ERC2: variants seen among roughly 807,000 people sequenced by gnomAD.
The protein encoded by ERC2 is ELKS/RAB6-interacting/CAST family member 2.
In ERC2, 42 loss-of-function variants were observed where a neutral mutation model predicts 114.8. The ratio of observed to expected loss-of-function variants is 0.37; its 90% CI spans 0.29 to 0.47. ERC2 has a LOEUF of 0.47. Among genes scored for constraint, ERC2 ranks in the 20% least tolerant of loss-of-function variants. ERC2 has a pLI of 0.99. For synonymous variants in ERC2, 454 were observed against 425.5 expected, an observed-to-expected ratio of 1.07 and a Z score of -0.82; for missense variants, 939 against 1,150.7, an observed-to-expected ratio of 0.82 and a Z score of 2.66.
chr3:56,086,676 G>T (rs1180499659), intron 6 of ERC2, among the ~76,000 whole-genome samples: 1 of 151,976 alleles, frequency 6.6e-6, no homozygotes, highest in Non-Finnish European at 1.5e-5. Flanking sequence ...ATACAGGGAA[G>T]ATAAGGCAAG....
rs1215954581 is a variant in ERC2 at position 56,117,672 on chromosome 3, T to C, written c.1473+21837A>G. Among the ~76,000 whole-genome samples the C allele has an allele frequency of 2.6e-5, 4 of 152,120 alleles. No individual in the cohort carries two copies. The East Asian group carries it at 7.7e-4, about 29-fold the overall frequency. ...GGCATGAAGTTTGACACATATAGAG[T>C]GCTCAGTAAGCTGTTCAAAAGGAAG... On this transcript the variant is annotated intron_variant, in intron 6 of 17. Coordinates refer to ENST00000288221, the MANE Select transcript of ERC2 (RefSeq NM_015576.3).
chr3:56,051,959 A>G (rs1437243305), intron 7 of ERC2, among the ~76,000 whole-genome samples: 1 of 152,196 alleles, frequency 6.6e-6, no homozygotes, highest in Non-Finnish European at 1.5e-5. Flanking sequence ...TTGTTTAGAC[A>G]CAATAAATTG....
At chr3:56,074,188 A>G (rs2149738849) in intron 7 of ERC2, among the ~76,000 whole-genome samples, 1 of 152,266 alleles carries the variant, frequency 6.6e-6, no homozygotes, top group African/African-American at 2.4e-5. Context: ...ACACCAGAAT[A>G]GTGTGGTGGT....
chr3:56,360,473 T>C (rs2058914272), intron 2 of ERC2, among the ~76,000 whole-genome samples: 1 of 152,142 alleles, frequency 6.6e-6, no homozygotes, highest in South Asian at 2.1e-4. Flanking sequence ...CAAGTAATGA[T>C]GATACAATGT....
chr3:55,843,706 A>G (rs1175277199), intron 14 of ERC2, among the ~76,000 whole-genome samples: 5 of 152,226 alleles, frequency 3.3e-5, no homozygotes, highest in African/African-American at 4.8e-5. Context: ...AAGTTCTCCC[A>G]TTCCTTAATC....
chr3:55,775,569 TAAATAAATAAATAAAA>T (rs1395638797), intron 14 of ERC2, among the ~76,000 whole-genome samples: 1 of 142,568 alleles, frequency 7.0e-6, no homozygotes, highest in South Asian at 2.3e-4. Flanking sequence ...AATAAATAAA[TAAATAAATAAATAAAA>T]AAGGAAAAAG....
intron 2 of ERC2, among the ~76,000 whole-genome samples, chr3:56,357,385 G>A (rs749813256): frequency 6.6e-6 from 1 of 152,212 alleles, no homozygotes; most frequent in African/African-American, 2.4e-5. Context: ...AACTTCACAA[G>A]CTTGCCCCAG....
chr3:55,593,777 C>G (rs1559711281), intron 17 of ERC2, among the ~76,000 whole-genome samples: 1 of 152,200 alleles, frequency 6.6e-6, no homozygotes, highest in Non-Finnish European at 1.5e-5. Flanking sequence ...TCAACCTCTT[C>G]TGGCTCCCTC....
At chr3:55,923,172 T>C (rs545822686) in intron 13 of ERC2, among the ~76,000 whole-genome samples, 1 of 152,228 alleles carries the variant, frequency 6.6e-6, no homozygotes, top group South Asian at 2.1e-4. Context: ...ATGTGATATA[T>C]ACATGCAATG....
chr3:55,538,942 A>G (rs2054183596), intron 17 of ERC2, among the ~76,000 whole-genome samples: 1 of 152,106 alleles, frequency 6.6e-6, no homozygotes, highest in Non-Finnish European at 1.5e-5. Flanking sequence ...GAGAGTTTTG[A>G]AAGATCCACA....
At chr3:55,698,169 T>G (rs1223882584) in intron 16 of ERC2, among the ~76,000 whole-genome samples, 1 of 151,756 alleles carries the variant, frequency 6.6e-6, no homozygotes, top group East Asian at 1.9e-4. Flanking sequence ...ATCTAGATTT[T>G]TTTCTGTGTG....
At chr3:56,161,632 C>A (rs2082054463) in intron 4 of ERC2, among the ~76,000 whole-genome samples, 1 of 151,946 alleles carries the variant, frequency 6.6e-6, no homozygotes, top group African/African-American at 2.4e-5. Flanking sequence ...TAGATGTATT[C>A]CTAGGTATTT....
intron 3 of ERC2, among the ~76,000 whole-genome samples, chr3:56,185,967 G>T (rs1300996140): frequency 6.6e-6 from 1 of 152,024 alleles, no homozygotes; most frequent in Non-Finnish European, 1.5e-5. Context: ...CACATCATGT[G>T]CAAGGACCAC....
chr3:56,413,116 T>C (rs928138065), intron 2 of ERC2, among the ~76,000 whole-genome samples: 9 of 152,132 alleles, frequency 5.9e-5, no homozygotes, highest in African/African-American at 2.2e-4. Flanking sequence ...GCTGTGCTGG[T>C]GGACAGGGTC....
intron 1 of ERC2, among the ~76,000 whole-genome samples, chr3:56,458,249 ATAGATC>A (rs1214911892): frequency 2.0e-5 from 3 of 152,202 alleles, no homozygotes; most frequent in Non-Finnish European, 4.4e-5. Flanking sequence ...TATATATATA[ATAGATC>A]TAGAAGAGTG....
intron 5 of ERC2, among the ~76,000 whole-genome samples, chr3:56,140,976 A>T (rs1327888342): frequency 6.6e-6 from 1 of 152,186 alleles, no homozygotes; most frequent in African/African-American, 2.4e-5. Context: ...GTGAGCCGAG[A>T]TCACGCCACT....
At chr3:56,134,212 T>C (rs1008845857) in intron 6 of ERC2, among the ~76,000 whole-genome samples, 3 of 152,222 alleles carry the variant, frequency 2.0e-5, no homozygotes, top group African/African-American at 7.2e-5. Context: ...TTTCTTCGTG[T>C]CTTCTTTCCT....
In ERC2 at chr3:56,070,555, G is replaced by T. The variant is rs532845212; in HGVS notation, c.1641+10262C>A. Reference sequence around the variant, plus strand: ...CAAATATTTATTTAAAAGAGAATTTGCCTCCCCTGGGTGGGATCAGCTTTT... The same window carrying T: ...CAAATATTTATTTAAAAGAGAATTTTCCTCCCCTGGGTGGGATCAGCTTTT... On this transcript the variant is annotated intron_variant, in intron 7 of 17. Transcript: ENST00000288221. Among the ~76,000 whole-genome samples, 302 of 151,972 alleles carry T rather than the reference G, an allele frequency of 2.0e-3. 2 individuals carry two copies. Among genetic ancestry groups the T allele is most frequent in the Middle Eastern group, 6.9e-3 (2 of 290 alleles).
intron 14 of ERC2, among the ~76,000 whole-genome samples, chr3:55,766,263 C>T (rs1179627848): frequency 7.3e-6 from 1 of 136,868 alleles, no homozygotes; most frequent in African/African-American, 2.9e-5. Context: ...ACTCTTGGTT[C>T]TCTCCACAAG....
Sources: gnomAD v4.1 joint callset for allele counts (sites outside exome capture counted in the v4.1 genomes callset) on GRCh38, gnomAD v4.1.1 for gene constraint, MANE v1.5 for transcripts, NCBI Gene and HGNC (gene_info 2026-07-23, HGNC 2026-07-21) for gene names.